ZKSCAN7: variants seen among roughly 807,000 people sequenced by gnomAD.
ZKSCAN7 encodes the protein zinc finger with KRAB and SCAN domains 7.
A neutral mutation model predicts 65.3 loss-of-function variants in ZKSCAN7; 38 were observed. That is an observed-to-expected ratio of 0.58 (90% CI 0.45 to 0.76). The LOEUF is 0.76. ZKSCAN7 is among the 30% of genes least tolerant of loss of function. ZKSCAN7 has a pLI of 0.00. For missense variants in ZKSCAN7, 815 were observed against 913.3 expected (o/e 0.89, Z 1.39); for synonymous variants, 321 against 321.0 (o/e 1.00, Z 0.00).
chr3:44,582,973 C>A (rs1251971046), exon 6 of ZKSCAN7: 1 of 447,592 alleles, frequency 2.2e-6, no homozygotes, highest in South Asian at 1.6e-5. Flanking sequence ...GTCTTCCAGG[C>A]TGGAGTACAA....
At position 44,557,596 on chromosome 3, in the gene ZKSCAN7, T is replaced by C. The variant is rs566315104; in HGVS notation, c.423+126T>C. On this transcript the variant is annotated intron_variant, in intron 2 of 5. Transcript: ENST00000426540. ...CTTTAGGGTTGCTGAACTTGTCCTG[T>C]GGATAGAGGGAAAATAGTTTTGTGC... 5.2e-6 allele frequency: 7 copies of C among 1,353,062 alleles called. No homozygotes were observed. The East Asian group carries it at 1.7e-4, about 33-fold the overall frequency. 83.8% of individuals were successfully genotyped at this position (1,353,062 alleles called of 1,614,324 possible).
intron 5 of ZKSCAN7, chr3:44,580,130 C>T (rs570906438): frequency 6.2e-7 from 1 of 1,608,902 alleles, no homozygotes; most frequent in Non-Finnish European, 8.5e-7. Flanking sequence ...TTTCAATCAC[C>T]TGGGACCTCC....
Position 44,570,844 on chromosome 3 carries a change from A to G in ZKSCAN7, c.1734A>G (p.Pro578=), listed in dbSNP as rs761656524. 4 of 1,614,028 alleles carry G rather than the reference A, an allele frequency of 2.5e-6. No individual in the cohort carries two copies. The highest frequency in any genetic ancestry group is 2.5e-6 in the Non-Finnish European group (3 of 1,180,034). Residue 578 remains proline, a synonymous_variant, in exon 6 of 6, where the codon CCA becomes CCG. Transcript: ENST00000426540. ...RHQSLHTGEK[P]YKCSECGKAF... ...AGAGCCTCCATACTGGGGAAAAGCCATACAAATGTAGTGAATGTGGGAAAG... is the reference window on the plus strand; with the variant it reads ...AGAGCCTCCATACTGGGGAAAAGCCGTACAAATGTAGTGAATGTGGGAAAG...
chr3:44,582,108 G>T (rs561462537), intron 5 of ZKSCAN7, among the ~76,000 whole-genome samples: 1 of 152,346 alleles, frequency 6.6e-6, no homozygotes, highest in African/African-American at 2.4e-5. Context: ...GCCACAGCTG[G>T]ATACAGGGAA....
intron 2 of ZKSCAN7, among the ~76,000 whole-genome samples, chr3:44,562,743 G>A (rs985830236): frequency 1.1e-4 from 16 of 152,226 alleles, no homozygotes; most frequent in African/African-American, 3.6e-4. Flanking sequence ...AGCACTTTGG[G>A]AGGCTGAGGC....
chr3:44,576,672 G>C (rs1362497104), downstream of ZKSCAN7, among the ~76,000 whole-genome samples: 1 of 152,120 alleles, frequency 6.6e-6, no homozygotes, highest in African/African-American at 2.4e-5. Context: ...ATTCCAAGTA[G>C]GTGCTATTAA....
At chr3:44,562,229 C>T (rs1004549145) in intron 2 of ZKSCAN7, among the ~76,000 whole-genome samples, 1 of 152,244 alleles carries the variant, frequency 6.6e-6, no homozygotes, top group Non-Finnish European at 1.5e-5. Context: ...CTTGCACCCT[C>T]TGAGGACACA....
downstream of ZKSCAN7, among the ~76,000 whole-genome samples, chr3:44,575,599 C>T (rs936337805): frequency 6.6e-6 from 1 of 152,140 alleles, no homozygotes; most frequent in African/African-American, 2.4e-5. Flanking sequence ...TATTTAGAGA[C>T]AGAGTTTCAC....
downstream of ZKSCAN7, among the ~76,000 whole-genome samples, chr3:44,573,860 G>A (rs1322722337): frequency 1.3e-5 from 2 of 152,040 alleles, no homozygotes; most frequent in East Asian, 3.9e-4. Flanking sequence ...GGAATAGTAG[G>A]GAAAAAAAGA....
Position 44,570,875 on chromosome 3 carries a change from A to C in ZKSCAN7, c.1765A>C (p.Asn589His). 6.2e-7 allele frequency: 1 copy of C among 1,614,258 alleles called. No individual in the cohort carries two copies. Residue 589 changes from asparagine (N) to histidine (H), a missense_variant, in exon 6 of 6, where the codon AAT becomes CAT. Physicochemically the swap from Asn to His is moderately conservative, Grantham distance 68. Transcript: ENST00000426540. ...YKCSECGKAF[N>H]QNSQLIEHER... The stretch of plus-strand genomic sequence containing the variant: ...ATGTAGTGAATGTGGGAAAGCCTTC[A>C]ATCAGAACTCTCAACTCATTGAGCA...
chr3:44,568,364 C>G lies in ZKSCAN7; in HGVS notation c.742C>G (p.Leu248Val). ...CTACACTCAGAAGAAATGGAAAAGTCTCACACTCAGTCAGAGAGCCCTGCA... is the reference window on the plus strand; with the variant it reads ...CTACACTCAGAAGAAATGGAAAAGTGTCACACTCAGTCAGAGAGCCCTGCA... ...VDYTQKKWKS[L>V]TLSQRALQWN... is the part of the protein sequence containing the mutation. The change falls in exon 5 of 6, where the codon CTC becomes GTC. Residue 248 changes from leucine (L) to valine (V), a missense_variant. Around this residue, in one of 3 missense-constraint regions of ZKSCAN7, gnomAD observed 578 missense variants for 629.5 expected, o/e 0.92. Coordinates refer to ENST00000426540, the MANE Select transcript of ZKSCAN7 (RefSeq NM_001288590.2). 6.2e-7 allele frequency: 1 copy of G among 1,614,146 alleles called. No individual in the cohort carries two copies. The highest frequency in any genetic ancestry group is 8.5e-7 in the Non-Finnish European group (1 of 1,180,020).
In ZKSCAN7 at chr3:44,568,600, T is replaced by G. The variant is rs542100293; in HGVS notation, c.811+167T>G. 7 of 979,782 alleles carry G rather than the reference T, an allele frequency of 7.1e-6. No individual in the cohort carries two copies. The South Asian group carries it at 1.3e-4, about 18-fold the overall frequency. 60.7% of individuals were successfully genotyped at this position (979,782 alleles called of 1,614,324 possible). On this transcript the variant is annotated intron_variant, in intron 5 of 5. Transcript: ENST00000426540. ...ATTCATCACTGAGATTCAACAGTGATCAGCATACTCTTCACCTCATTATGA... is the reference window on the plus strand; with the variant it reads ...ATTCATCACTGAGATTCAACAGTGAGCAGCATACTCTTCACCTCATTATGA...
chr3:44,568,758 C>T (rs764801636), intron 5 of ZKSCAN7, among the ~76,000 whole-genome samples: 7 of 152,152 alleles, frequency 4.6e-5, no homozygotes, highest in Non-Finnish European at 1.0e-4. Context: ...TGAGCTAGAC[C>T]AGACTGTGGG....
At chr3:44,577,927 T>C (rs1415905204) in intron 5 of ZKSCAN7, among the ~76,000 whole-genome samples, 1 of 152,188 alleles carries the variant, frequency 6.6e-6, no homozygotes, top group Non-Finnish European at 1.5e-5. Context: ...ACCTAGTCTT[T>C]CTTCAAGTCC....
intron 2 of ZKSCAN7, among the ~76,000 whole-genome samples, chr3:44,562,839 G>A (rs6780744): frequency 0.29 from 44,228 of 151,472 alleles, 6,958 homozygotes; most frequent in Non-Finnish European, 0.32. Flanking sequence ...GCATGGCGGC[G>A]GGTGCCTGTA....
At chr3:44,572,839 G>A, downstream of ZKSCAN7, among the ~76,000 whole-genome samples, 1 of 75,202 alleles carries the variant, frequency 1.3e-5, no homozygotes, top group Non-Finnish European at 2.8e-5. Context: ...AACAGAGCGA[G>A]ACTCTGTCTC....
At chr3:44,557,694 C>CCTAG (rs1699340473) in intron 2 of ZKSCAN7, 1 of 618,344 alleles carries the variant, frequency 1.6e-6, no homozygotes, top group African/African-American at 1.8e-5. Flanking sequence ...GTGTTCTGAG[C>CCTAG]CTAGCTTCAT....
chr3:44,579,097 C>T (rs1016697802), intron 5 of ZKSCAN7, among the ~76,000 whole-genome samples: 5 of 152,228 alleles, frequency 3.3e-5, no homozygotes, highest in Non-Finnish European at 5.9e-5. Flanking sequence ...CCCGGAGAGG[C>T]GTGGTCTCCA....
rs73829661 is a variant in ZKSCAN7 at position 44,557,041 on chromosome 3, G to A, written c.-7G>A. ...GCAGCTGTAACAAGCTTCTCTTTGG[G>A]GTCACAATGACCACTGCAGGCAGGG... On this transcript the variant is annotated 5_prime_UTR_variant, in exon 2 of 6. Coordinates refer to ENST00000426540, the MANE Select transcript of ZKSCAN7 (RefSeq NM_001288590.2). 2.0e-4 allele frequency: 328 copies of A among 1,614,040 alleles called. No homozygotes were observed. In the African/African-American group the frequency reaches 4.0e-3, roughly 20 times the overall value.
Sources: allele counts gnomAD v4.1 joint callset (sites outside exome capture counted in the v4.1 genomes callset), GRCh38; gene constraint gnomAD v4.1.1; regional missense constraint gnomAD v4.1.1; transcripts MANE v1.5; gene names NCBI Gene and HGNC (gene_info 2026-07-23, HGNC 2026-07-21).